The following KDM5B variants were observed in gnomAD, a reference collection of about 807,000 sequenced individuals.
KDM5B encodes lysine demethylase 5B, also known as lysine-specific demethylase 5B.
KDM5B carries 144 observed loss-of-function variants against 193.4 expected under a neutral mutation model. The ratio of observed to expected loss-of-function variants is 0.74; its 90% CI spans 0.65 to 0.86. The LOEUF is 0.86. Ranked by LOEUF, KDM5B falls within the 40% of genes least tolerant of loss-of-function variation. The pLI, the probability that KDM5B is intolerant of heterozygous loss-of-function variation, is 0.00. For synonymous variants in KDM5B, 668 were observed against 682.6 expected (o/e 0.98, Z 0.33); for missense variants, 1,833 against 1,886.9 (o/e 0.97, Z 0.53).
intron 1 of KDM5B, among the ~76,000 whole-genome samples, chr1:202,799,756 AAAT>A (rs1481801943): frequency 2.0e-5 from 3 of 152,186 alleles, no homozygotes; most frequent in Admixed American, 6.5e-5. Flanking sequence ...TATCCCTGCA[AAAT>A]AATAGTTAAA....
At position 202,726,388 on chromosome 1, in the gene KDM5B, G is replaced by A. The variant is rs1014059729; in HGVS notation, c.*2648C>T. The A allele has an allele frequency of 6.6e-6, 1 of 152,148 alleles. No individual in the cohort carries two copies. Among genetic ancestry groups the A allele is most frequent in the Non-Finnish European group, 1.5e-5 (1 of 68,030 alleles). The allele number at this position is 152,148 out of a possible 1,614,324, so 9.4% of individuals were successfully genotyped here. On this transcript the variant is annotated 3_prime_UTR_variant, in exon 27 of 27. Transcript: ENST00000367265. ...TCCAAATTACATAACCTTTCTCCAG[G>A]ATAGAGGCTACATATAATCAAGCCC... is the stretch of plus-strand genomic sequence containing the variant.
intron 21 of KDM5B, 151 bp downstream of exon 21, chr1:202,736,062 C>A: frequency 1.8e-6 from 1 of 541,598 alleles, no homozygotes; most frequent in Non-Finnish European, 3.0e-6. Context: ...GTTGCTTCAC[C>A]AGAAAATTAG....
chr1:202,729,688 T>A lies in KDM5B; in HGVS notation c.4497+19A>T, dbSNP rs749887044. On this transcript the variant is annotated intron_variant, in intron 26 of 26. Transcript: ENST00000367265. The stretch of plus-strand genomic sequence containing the variant: ...GAGTTAAGGGAAAGCACGTCCTCTA[T>A]GGCCCAAACCTCACTGACCTCATCT... The A allele has an allele frequency of 2.2e-5, 35 of 1,601,718 alleles. 1 individual carries two copies. In the Admixed American group the frequency reaches 5.6e-4, roughly 26 times the overall value.
intron 16 of KDM5B, among the ~76,000 whole-genome samples, chr1:202,743,157 G>A (rs1483454080): frequency 1.3e-5 from 2 of 151,994 alleles, no homozygotes; most frequent in Admixed American, 6.6e-5. Flanking sequence ...GTCAACACAA[G>A]CAAGATCTCC....
At chr1:202,763,945 C>G in intron 6 of KDM5B, 104 bp downstream of exon 6, 1 of 713,922 alleles carries the variant, frequency 1.4e-6, no homozygotes, top group Middle Eastern at 3.7e-4. Flanking sequence ...CTAAATTTTA[C>G]TTTTTAATTT....
rs2102234989 is a variant in KDM5B at position 202,742,376 on chromosome 1, T to C, written c.2589+15A>G. ...GATTACCAAAGTATTCTCCCACACATCCCTCTATGGTTACCTTTAGTAATG... is the reference window on the plus strand; with the variant it reads ...GATTACCAAAGTATTCTCCCACACACCCCTCTATGGTTACCTTTAGTAATG... On this transcript the variant is annotated intron_variant, in intron 18 of 26. Transcript: ENST00000367265. 6.4e-7 allele frequency: 1 copy of C among 1,550,550 alleles called. No homozygotes were observed. Among genetic ancestry groups the C allele is most frequent in the Non-Finnish European group, 8.9e-7 (1 of 1,122,316 alleles).
At chr1:202,764,169 G>T in intron 5 of KDM5B, 24 bp from the exon 6 acceptor site, 1 of 1,173,614 alleles carries the variant, frequency 8.5e-7, no homozygotes, top group Non-Finnish European at 1.2e-6. Flanking sequence ...TCATATACAT[G>T]AATATTTCCT....
chr1:202,775,348 C>T (rs1572754160), intron 2 of KDM5B, among the ~76,000 whole-genome samples: 2 of 151,182 alleles, frequency 1.3e-5, no homozygotes. Context: ...CCAGCCTGGG[C>T]AACATGGTGA....
chr1:202,803,289 G>A (rs1304109321), intron 1 of KDM5B, among the ~76,000 whole-genome samples: 1 of 152,134 alleles, frequency 6.6e-6, no homozygotes, highest in Non-Finnish European at 1.5e-5. Context: ...ATAACCATAG[G>A]AAGGGAAGGA....
rs1161005640 is a variant in KDM5B, at chr1:202,768,738, A to G, written c.577-1678T>C. Among the ~76,000 whole-genome samples the G allele has an allele frequency of 8.6e-4, 110 of 127,896 alleles. 1 individual carries two copies. Among genetic ancestry groups the G allele is most frequent in the Admixed American group, 1.2e-3 (14 of 11,414 alleles). The allele number at this position is 127,896 out of a possible 152,430, so 83.9% of individuals were successfully genotyped here. A position where few individuals can be genotyped will look rare whatever the true frequency, so the allele number is the denominator to read the frequency against. On this transcript the variant is annotated intron_variant, in intron 4 of 26. Transcript: ENST00000367265. ...TATTCTTTTTTTTTTTTTTTTTGAG[A>G]TGGAGTTTCGCTCTTGTTGCCCAGG...
rs764509177 is a variant in KDM5B, at chr1:202,733,638, T to G, written c.3672A>C (p.Ser1224=). 1 of 1,614,170 alleles carries G rather than the reference T, an allele frequency of 6.2e-7. No individual in the cohort carries two copies. Among genetic ancestry groups the G allele is most frequent in the South Asian group, 1.1e-5 (1 of 91,082 alleles). The change falls in exon 23 of 27, where the codon TCA becomes TCC. Residue 1224 remains serine, a synonymous_variant. Coordinates refer to ENST00000367265, the MANE Select transcript of KDM5B (RefSeq NM_006618.5). Reference sequence around the variant, plus strand: ...GAATTTTCTCTAATGGAGGTTTCTCTGACCTCCGACAATGGGGACAAAGCC... The same window carrying G: ...GAATTTTCTCTAATGGAGGTTTCTCGGACCTCCGACAATGGGGACAAAGCC... ...RIWLCPHCRR[S]EKPPLEKILP...
At chr1:202,786,194 G>T (rs1404807994) in intron 1 of KDM5B, among the ~76,000 whole-genome samples, 3 of 87,086 alleles carry the variant, frequency 3.4e-5, no homozygotes, top group East Asian at 3.7e-4. Flanking sequence ...CGGGGGGTGG[G>T]GGGGGGGGTC....
intron 8 of KDM5B, 92 bp from the exon 9 acceptor site, chr1:202,758,602 T>A (rs1656114563): frequency 9.3e-7 from 1 of 1,075,058 alleles, no homozygotes; most frequent in Non-Finnish European, 1.3e-6. Flanking sequence ...AACAAGGCTT[T>A]AATTTGTTTA....
rs1024282642 is a variant in KDM5B, at chr1:202,727,383, A to G, written c.*1653T>C. On this transcript the variant is annotated 3_prime_UTR_variant, in exon 27 of 27. Coordinates refer to ENST00000367265, the MANE Select transcript of KDM5B (RefSeq NM_006618.5). ...AAGAGAAACATCACAACAACTGCAG[A>G]AAACTGCAGACAACTAGAAGTCATT... 2 of 152,568 alleles carry G rather than the reference A, an allele frequency of 1.3e-5. No individual in the cohort carries two copies. Among genetic ancestry groups the G allele is most frequent in the African/African-American group, 4.8e-5 (2 of 41,470 alleles). The allele number at this position is 152,568 out of a possible 1,614,324, so 9.5% of individuals were successfully genotyped here.
rs1206299941 is a variant in KDM5B at position 202,725,469 on chromosome 1, A to G, written c.*3567T>C. The G allele has an allele frequency of 6.6e-6, 1 of 152,244 alleles. No individual in the cohort carries two copies. The highest frequency in any genetic ancestry group is 1.5e-5 in the Non-Finnish European group (1 of 68,048). 9.4% of individuals were successfully genotyped at this position (152,244 alleles called of 1,614,324 possible). ...AAGCTGAGAAGCTTAAAATAGCCAC[A>G]TGCAAAGGATTGATGACAGAGGGGC... is the stretch of plus-strand genomic sequence containing the variant. On this transcript the variant is annotated 3_prime_UTR_variant, in exon 27 of 27. Transcript: ENST00000367265.
At chr1:202,792,338 C>T (rs911878003) in intron 1 of KDM5B, among the ~76,000 whole-genome samples, 7 of 151,282 alleles carry the variant, frequency 4.6e-5, no homozygotes, top group South Asian at 2.1e-4. Flanking sequence ...GCAGAGCTTC[C>T]GGAGGAGCTT....
intron 20 of KDM5B, among the ~76,000 whole-genome samples, chr1:202,736,892 T>A (rs1375313530): frequency 6.6e-6 from 1 of 152,166 alleles, no homozygotes; most frequent in Non-Finnish European, 1.5e-5. Flanking sequence ...TCCTCCCACC[T>A]TGGCCTCCCA....
chr1:202,778,974 CG>C (rs959552831), intron 1 of KDM5B, among the ~76,000 whole-genome samples: 16 of 151,864 alleles, frequency 1.1e-4, no homozygotes, highest in Non-Finnish European at 4.4e-5. Context: ...GTTAAGGGGT[CG>C]GGGGGCGGAA....
Position 202,729,932 on chromosome 1 carries a change from C to A in KDM5B, c.4272G>T (p.Trp1424Cys). ...LEREGLSSER[W>C]ERVKKMRTPK... ...GGGTCCGCATTTTCTTAACTCGTTC[C>A]CACCGCTCACTGGAGAGGCCCTCTC... Residue 1424 changes from tryptophan (W) to cysteine (C), a missense_variant, in exon 26 of 27, where the codon TGG (tryptophan) becomes TGT (cysteine). Transcript: ENST00000367265. 1 of 1,614,090 alleles carries A rather than the reference C, an allele frequency of 6.2e-7. No individual in the cohort carries two copies. The highest frequency in any genetic ancestry group is 1.3e-5 in the African/African-American group (1 of 75,018).
Sources: gnomAD v4.1 joint callset for allele counts (sites outside exome capture counted in the v4.1 genomes callset) on GRCh38, gnomAD v4.1.1 for gene constraint, MANE v1.5 for transcripts, NCBI Gene and HGNC (gene_info 2026-07-23, HGNC 2026-07-21) for gene names.